The following MUL1 variants were observed in gnomAD, a reference collection of about 807,000 sequenced individuals.
The protein encoded by MUL1 is mitochondrial E3 ubiquitin protein ligase 1, also known as mitochondrial ubiquitin ligase activator of NFKB 1.
In MUL1, 30 loss-of-function variants were observed where a neutral mutation model predicts 34.1. That is an observed-to-expected ratio of 0.88 (90% CI 0.66 to 1.19). The LOEUF (loss-of-function observed/expected upper bound fraction) is 1.19. Among genes scored for constraint, MUL1 ranks in the 50% most tolerant of loss-of-function variants. The pLI is 0.00. For missense variants in MUL1, 419 were observed against 450.5 expected (o/e 0.93, Z 0.63); for synonymous variants, 191 against 187.8 (o/e 1.02, Z -0.14).
Position 20,500,700 on chromosome 1 carries a change from T to C in MUL1, c.1049A>G (p.Tyr350Cys). Residue 350 changes from tyrosine to cysteine, a missense_variant, in exon 4 of 4, where the codon TAC becomes TGC. By Grantham distance (194) the Tyr-to-Cys change is radical. Coordinates refer to ENST00000264198, the MANE Select transcript of MUL1 (RefSeq NM_024544.3). Reference sequence around the variant, plus strand: ...GCGGCTTCCAAACTATTAGCTGTTGTACAGGGGTATCACCCGGGTGATCGC... The same window carrying C: ...GCGGCTTCCAAACTATTAGCTGTTGCACAGGGGTATCACCCGGGTGATCGC... ...RQAITRVIPL[Y>C]NS The C allele has an allele frequency of 2.5e-6, 4 of 1,580,158 alleles. No homozygotes were observed. Among genetic ancestry groups the C allele is most frequent in the Non-Finnish European group, 3.4e-6 (4 of 1,162,030 alleles).
intron 2 of MUL1, 138 bp from the exon 3 acceptor site, chr1:20,502,327 T>C: frequency 8.6e-7 from 1 of 1,164,868 alleles, no homozygotes; most frequent in Non-Finnish European, 1.2e-6. Flanking sequence ...GTCAGAAGGA[T>C]CACTTGGGGC....
At chr1:20,503,357 T>C in intron 1 of MUL1, 48 bp from the exon 2 acceptor site, 1 of 1,112,780 alleles carries the variant, frequency 9.0e-7, no homozygotes, top group Non-Finnish European at 1.3e-6. Flanking sequence ...AACACTGACA[T>C]GCTCAATCAA....
At chr1:20,504,012 T>C (rs772778126) in intron 1 of MUL1, among the ~76,000 whole-genome samples, 2 of 151,926 alleles carry the variant, frequency 1.3e-5, no homozygotes, top group Admixed American at 6.6e-5. Context: ...GCTGAGGCCA[T>C]AGGCATGCAC....
At chr1:20,506,855 AAAAAAG>A (rs1283026616) in intron 1 of MUL1, among the ~76,000 whole-genome samples, 4 of 148,700 alleles carry the variant, frequency 2.7e-5, no homozygotes, top group African/African-American at 5.0e-5. Flanking sequence ...GTCTCAAAAA[AAAAAAG>A]AAAAAGAAAA....
intron 2 of MUL1, among the ~76,000 whole-genome samples, chr1:20,502,677 G>T (rs1350096298): frequency 6.6e-6 from 1 of 152,100 alleles, no homozygotes; most frequent in African/African-American, 2.4e-5. Context: ...GGGATTACGG[G>T]TATGTGCCAC....
intron 1 of MUL1, among the ~76,000 whole-genome samples, chr1:20,505,868 G>A (rs1051808380): frequency 1.3e-5 from 2 of 152,182 alleles, no homozygotes; most frequent in Admixed American, 1.3e-4. Context: ...CAGCCAACTT[G>A]AGGCCAAAGT....
At chr1:20,502,437 T>C (rs2051671497) in intron 2 of MUL1, among the ~76,000 whole-genome samples, 1 of 152,184 alleles carries the variant, frequency 6.6e-6, no homozygotes, top group South Asian at 2.1e-4. Flanking sequence ...TAGTCCCAGA[T>C]ACTTGGGAGG....
rs200114346 is a variant in MUL1 at position 20,501,356 on chromosome 1, G to T, written c.393C>A (p.His131Gln). 1 of 1,614,044 alleles carries T rather than the reference G, an allele frequency of 6.2e-7. No individual in the cohort carries two copies. The highest frequency in any genetic ancestry group is 1.3e-5 in the African/African-American group (1 of 74,934). Residue 131 changes from histidine to glutamine, a missense_variant, in exon 4 of 4, where the codon CAC (histidine) becomes CAA (glutamine). Transcript: ENST00000264198. This position sits in a 1 kb window ranked among gnomAD's most constrained non-coding sequence, Gnocchi z 4.2. ...TNTVPFDLVP[H>Q]EDGVDVAVRV... ...GCACAGCCACATCCACGCCATCCTC[G>T]TGGGGCACCAGGTCAAAGGGCACTG...
Position 20,501,952 on chromosome 1 carries a change from G to A in MUL1, c.329+117C>T. The A allele has an allele frequency of 7.6e-7, 1 of 1,316,336 alleles. No individual in the cohort carries two copies. The highest frequency in any genetic ancestry group is 1.1e-6 in the Non-Finnish European group (1 of 931,618). The allele number at this position is 1,316,336 out of a possible 1,614,324, so 81.5% of individuals were successfully genotyped here. ...CACACAAGAATATGACCTGCATTAAGAGACTGGGCTTCAACCTGTCTCAGG... is the reference window on the plus strand; with the variant it reads ...CACACAAGAATATGACCTGCATTAAAAGACTGGGCTTCAACCTGTCTCAGG... On this transcript the variant is annotated intron_variant, in intron 3 of 3. Coordinates refer to ENST00000264198, the MANE Select transcript of MUL1 (RefSeq NM_024544.3). The surrounding 1 kb of genome is among the most constrained non-coding windows in gnomAD (Gnocchi z 4.2).
At chr1:20,502,992 A>G (rs973297862) in intron 2 of MUL1, among the ~76,000 whole-genome samples, 5 of 152,170 alleles carry the variant, frequency 3.3e-5, no homozygotes, top group African/African-American at 1.2e-4. Context: ...AATTTGTCTT[A>G]TAACAACCCC....
rs368225783 is a variant in MUL1 at position 20,507,889 on chromosome 1, C to G, written c.120+16G>C. Reference sequence around the variant, plus strand: ...AGAGATGACCCGGCTGAGGCCAGGCCGGCTCCAGCACTGACCTTGAGCTCT... The same window carrying G: ...AGAGATGACCCGGCTGAGGCCAGGCGGGCTCCAGCACTGACCTTGAGCTCT... On this transcript the variant is annotated intron_variant, in intron 1 of 3. Transcript: ENST00000264198. The G allele has an allele frequency of 3.7e-5, 59 of 1,595,304 alleles. 1 individual carries two copies. Among genetic ancestry groups the G allele is most frequent in the Non-Finnish European group, 8.5e-6 (10 of 1,171,648 alleles).
chr1:20,500,067 G>A lies in MUL1; in HGVS notation c.*623C>T, dbSNP rs1481814371. ...GGGCCCCGACCATCTGGGCAGAAGC[G>A]GATGTGCTGACTTCACTTTCTTTTG... On this transcript the variant is annotated 3_prime_UTR_variant, in exon 4 of 4. Transcript: ENST00000264198. The A allele has an allele frequency of 1.3e-5, 2 of 152,206 alleles. No individual in the cohort carries two copies. Among genetic ancestry groups the A allele is most frequent in the Admixed American group, 6.5e-5 (1 of 15,278 alleles). 9.4% of individuals were successfully genotyped at this position (152,206 alleles called of 1,614,324 possible).
intron 1 of MUL1, 129 bp from the exon 2 acceptor site, chr1:20,503,438 G>T: frequency 1.8e-6 from 1 of 566,900 alleles, no homozygotes; most frequent in Non-Finnish European, 3.1e-6. Context: ...TGGACAGGAA[G>T]GTGACTACTG....
At position 20,500,303 on chromosome 1, in the gene MUL1, A is replaced by G. The variant is rs562122948; in HGVS notation, c.*387T>C. ...GCCTTTCCTCCCCTCTGAGTCCTCC[A>G]CCAAGTCCACAGCAAGCAACGATTC... On this transcript the variant is annotated 3_prime_UTR_variant, in exon 4 of 4. Coordinates refer to ENST00000264198, the MANE Select transcript of MUL1 (RefSeq NM_024544.3). 4 of 164,394 alleles carry G rather than the reference A, an allele frequency of 2.4e-5. No homozygotes were observed. In the East Asian group the frequency reaches 7.1e-4, roughly 29 times the overall value. 10.2% of individuals were successfully genotyped at this position (164,394 alleles called of 1,614,324 possible). A position where few individuals can be genotyped will look rare whatever the true frequency, so the allele number is the denominator to read the frequency against.
chr1:20,506,156 C>A (rs2051711747), intron 1 of MUL1, among the ~76,000 whole-genome samples: 1 of 152,118 alleles, frequency 6.6e-6, no homozygotes. Context: ...AGTTTCTAAA[C>A]CCTTACTGAA....
In MUL1 at chr1:20,501,252, A is replaced by G. The variant is rs750721324; in HGVS notation, c.497T>C (p.Phe166Ser). Residue 166 changes from phenylalanine to serine, a missense_variant, in exon 4 of 4, where the codon TTC (phenylalanine) becomes TCC (serine). Transcript: ENST00000264198. This position sits in a 1 kb window ranked among gnomAD's most constrained non-coding sequence, Gnocchi z 4.2. ...GATGTAGTGGCCGATGACATCGGTG[A>G]AGGACTGAATCGAGGGGTGGAACTT... Reference protein sequence around the residue: ...YEKFHPSIQSFTDVIGHYISG... With the variant: ...YEKFHPSIQSSTDVIGHYISG... 6.2e-7 allele frequency: 1 copy of G among 1,614,162 alleles called. No homozygotes were observed. The highest frequency in any genetic ancestry group is 2.2e-5 in the East Asian group (1 of 44,876).
In MUL1 at chr1:20,502,120, C is replaced by T. The variant is rs774612972; in HGVS notation, c.278G>A (p.Arg93Gln). ...CATCTTGTGCTCCTGAAGTGTCAGC[C>T]GCTGAATTACCCCCTTGCAGTTTTC... The part of the protein sequence containing the change: ...FVENCKGVIQ[R>Q]LTLQEHKMVW... The change falls in exon 3 of 4, where the codon CGG becomes CAG. Residue 93 changes from arginine (R) to glutamine (Q), a missense_variant. Physicochemically the swap from Arg to Gln is conservative, Grantham distance 43. Coordinates refer to ENST00000264198, the MANE Select transcript of MUL1 (RefSeq NM_024544.3). 5 of 1,614,092 alleles carry T rather than the reference C, an allele frequency of 3.1e-6. No homozygotes were observed. The South Asian group carries it at 3.3e-5, about 11-fold the overall frequency.
chr1:20,503,781 G>A (rs2051687711), intron 1 of MUL1, among the ~76,000 whole-genome samples: 1 of 151,960 alleles, frequency 6.6e-6, no homozygotes, highest in South Asian at 2.1e-4. Flanking sequence ...ACGAACCAAT[G>A]CTCTGCATTG....
intron 1 of MUL1, among the ~76,000 whole-genome samples, chr1:20,504,530 T>A (rs2051694397): frequency 6.6e-6 from 1 of 152,220 alleles, no homozygotes; most frequent in Non-Finnish European, 1.5e-5. Context: ...ACTCTGAGTT[T>A]AAGCTACTGC....
Sources: allele counts gnomAD v4.1 joint callset (sites outside exome capture counted in the v4.1 genomes callset), GRCh38; gene constraint gnomAD v4.1.1; non-coding constraint Gnocchi (gnomAD v3.1); transcripts MANE v1.5; gene names NCBI Gene and HGNC (gene_info 2026-07-23, HGNC 2026-07-21).